The following PARD3 variants were observed in gnomAD, a reference collection of about 807,000 sequenced individuals.
PARD3 encodes partitioning defective 3 homolog.
In PARD3, 75 loss-of-function variants were observed where a neutral mutation model predicts 155.4. The ratio of observed to expected loss-of-function variants is 0.48; its 90% confidence interval spans 0.40 to 0.58. The LOEUF (loss-of-function observed/expected upper bound fraction) is 0.58. PARD3 is among the 20% of genes least tolerant of loss of function. PARD3 has a pLI of 0.00. For missense variants in PARD3, 1,642 were observed against 1,721.7 expected (o/e 0.95, Z 0.82); for synonymous variants, 576 against 610.5 (o/e 0.94, Z 0.83).
rs566708714 is a variant in PARD3 at position 34,705,805 on chromosome 10, C to T, written c.121-9386G>A. Among the ~76,000 whole-genome samples, 17 of 152,290 alleles carry T rather than the reference C, an allele frequency of 1.1e-4. No individual in the cohort carries two copies. The South Asian group carries it at 3.3e-3, about 30-fold the overall frequency. On this transcript the variant is annotated intron_variant, in intron 1 of 24. Transcript: ENST00000374788. Reference sequence around the variant, plus strand: ...GAGCAAACCACAAACCTGCTGCCTCCCTTGACAGGTGGATAGCTTCATTTA... The same window carrying T: ...GAGCAAACCACAAACCTGCTGCCTCTCTTGACAGGTGGATAGCTTCATTTA...
At chr10:34,669,056 T>C (rs750258215) in intron 2 of PARD3, among the ~76,000 whole-genome samples, 2 of 152,108 alleles carry the variant, frequency 1.3e-5, no homozygotes, top group African/African-American at 4.8e-5. Flanking sequence ...CATGGAGATT[T>C]CCCAAAGAAC....
intron 5 of PARD3, among the ~76,000 whole-genome samples, chr10:34,408,399 A>G (rs1265268032): frequency 1.3e-5 from 2 of 152,186 alleles, no homozygotes; most frequent in Non-Finnish European, 2.9e-5. Context: ...TCCTAACTTA[A>G]TGAGAGACAT....
intron 12 of PARD3, among the ~76,000 whole-genome samples, chr10:34,369,934 G>A (rs1840410768): frequency 6.6e-6 from 1 of 152,160 alleles, no homozygotes; most frequent in Non-Finnish European, 1.5e-5. Context: ...TTTTCCTTGA[G>A]CAATACTATG....
chr10:34,241,870 T>G (rs1953620741), intron 22 of PARD3, among the ~76,000 whole-genome samples: 1 of 152,196 alleles, frequency 6.6e-6, no homozygotes, highest in Non-Finnish European at 1.5e-5. Flanking sequence ...CACATTTGTC[T>G]GGCTTACTCA....
chr10:34,769,763 T>TA (rs1299942527), intron 1 of PARD3, among the ~76,000 whole-genome samples: 2 of 104,464 alleles, frequency 1.9e-5, no homozygotes, highest in Non-Finnish European at 3.7e-5. Context: ...ACCATGTCTT[T>TA]AAAAAAACAA....
At chr10:34,393,768 C>T (rs1364722286) in intron 7 of PARD3, among the ~76,000 whole-genome samples, 1 of 151,688 alleles carries the variant, frequency 6.6e-6, no homozygotes, top group Admixed American at 6.6e-5. Flanking sequence ...TAATTGTTTT[C>T]CATAGGGGAA....
At chr10:34,485,063 C>T (rs2133247790) in intron 3 of PARD3, among the ~76,000 whole-genome samples, 1 of 152,310 alleles carries the variant, frequency 6.6e-6, no homozygotes. Flanking sequence ...TTAGGCCGGG[C>T]ACAGTGGCAT....
chr10:34,162,708 C>A (rs1052250993), intron 22 of PARD3, among the ~76,000 whole-genome samples: 2 of 152,112 alleles, frequency 1.3e-5, no homozygotes, highest in Non-Finnish European at 2.9e-5. Flanking sequence ...GCTACATTCA[C>A]CTGAATTCTG....
intron 2 of PARD3, among the ~76,000 whole-genome samples, chr10:34,518,703 G>A (rs181699738): frequency 6.6e-6 from 1 of 152,004 alleles, no homozygotes; most frequent in Admixed American, 6.6e-5. Flanking sequence ...ATAAATAGAA[G>A]GAATGATGGC....
chr10:34,636,970 T>C (rs910932722), intron 2 of PARD3, among the ~76,000 whole-genome samples: 2 of 152,324 alleles, frequency 1.3e-5, no homozygotes, highest in African/African-American at 4.8e-5. Flanking sequence ...AGCAAGAAAG[T>C]TGAGAATAAG....
chr10:34,164,565 G>A (rs1427520497), intron 22 of PARD3, among the ~76,000 whole-genome samples: 1 of 152,178 alleles, frequency 6.6e-6, no homozygotes, highest in Admixed American at 6.5e-5. Flanking sequence ...CAACAGAATT[G>A]TGATCATAAG....
At chr10:34,263,063 A>G (rs1458552523) in intron 22 of PARD3, among the ~76,000 whole-genome samples, 1 of 152,198 alleles carries the variant, frequency 6.6e-6, no homozygotes, top group African/African-American at 2.4e-5. Context: ...TCCTATATCT[A>G]TGTTAAGTAT....
At position 34,699,828 on chromosome 10, in the gene PARD3, T is replaced by C. The variant is rs1463369857; in HGVS notation, c.121-3409A>G. On this transcript the variant is annotated intron_variant, in intron 1 of 24. Transcript: ENST00000374788. ...AATTCAAGGCTGCAGTGAGCTGTGA[T>C]TGTATCACTGCACTCCAGCCTGGGC... 3.9e-5 allele frequency among the ~76,000 whole-genome samples: 6 copies of C among 152,244 alleles called. No homozygotes were observed. In the South Asian group the frequency reaches 6.2e-4, roughly 16 times the overall value.
At chr10:34,600,680 C>T (rs1564398734) in intron 2 of PARD3, among the ~76,000 whole-genome samples, 1 of 152,206 alleles carries the variant, frequency 6.6e-6, no homozygotes, top group Non-Finnish European at 1.5e-5. Context: ...ATGATCACCA[C>T]ATACTAGCAA....
rs531240471 is a variant in PARD3 at position 34,679,851 on chromosome 10, G to A, written c.222+16467C>T. Among the ~76,000 whole-genome samples the A allele has an allele frequency of 6.6e-5, 10 of 152,206 alleles. No homozygotes were observed. The South Asian group carries it at 8.3e-4, about 13-fold the overall frequency. On this transcript the variant is annotated intron_variant, in intron 2 of 24. Coordinates refer to ENST00000374788, the MANE Select transcript of PARD3 (RefSeq NM_001184785.2). ...ATGTGAAATCACCAAATCAGACACC[G>A]CATGTTTCACTTACAAGTGGAAGCC...
At chr10:34,407,992 T>C (rs906463355) in intron 5 of PARD3, among the ~76,000 whole-genome samples, 1 of 152,086 alleles carries the variant, frequency 6.6e-6, no homozygotes, top group Non-Finnish European at 1.5e-5. Context: ...ATATAAACCA[T>C]ACTGTCTAAT....
chr10:34,486,640 C>T (rs982693400), intron 3 of PARD3, among the ~76,000 whole-genome samples: 1 of 152,168 alleles, frequency 6.6e-6, no homozygotes, highest in Non-Finnish European at 1.5e-5. Flanking sequence ...TCTTCTAAGT[C>T]AGAGACTGTC....
chr10:34,641,165 T>A lies in PARD3; in HGVS notation c.222+55153A>T, dbSNP rs61841124. Among the ~76,000 whole-genome samples the A allele has an allele frequency of 4.5e-3, 684 of 152,306 alleles. 3 individuals carry two copies. The highest frequency in any genetic ancestry group is 7.6e-3 in the Admixed American group (116 of 15,294). On this transcript the variant is annotated intron_variant, in intron 2 of 24. Coordinates refer to ENST00000374788, the MANE Select transcript of PARD3 (RefSeq NM_001184785.2). The stretch of plus-strand genomic sequence containing the variant: ...GTTTCTTCCCTACAGCTTTCTATGA[T>A]GTGACCTCCTTACCACGAACACACT...
chr10:34,640,872 T>TG (rs906269145), intron 2 of PARD3, among the ~76,000 whole-genome samples: 10 of 152,004 alleles, frequency 6.6e-5, no homozygotes, highest in South Asian at 2.1e-4. Flanking sequence ...TTGTGTTTTA[T>TG]GGGGGAAAAA....
Sources: gnomAD v4.1 joint callset for allele counts (sites outside exome capture counted in the v4.1 genomes callset) on GRCh38, gnomAD v4.1.1 for gene constraint, MANE v1.5 for transcripts, NCBI Gene and HGNC (gene_info 2026-07-23, HGNC 2026-07-21) for gene names.